Variants in FAT2 observed in about 807,000 individuals in gnomAD.
The protein encoded by FAT2 is FAT atypical cadherin 2, also known as protocadherin Fat 2.
FAT2 carries 150 observed loss-of-function variants against 295.3 expected under a neutral mutation model. That is an observed-to-expected ratio of 0.51 (90% CI 0.44 to 0.58). FAT2 has a LOEUF of 0.58. Among genes scored for constraint, FAT2 ranks in the 20% least tolerant of loss-of-function variants. The pLI is 0.00. For synonymous variants in FAT2, 2,026 were observed against 2,150.3 expected (o/e 0.94, Z 1.60); for missense variants, 4,868 against 5,442.7 (o/e 0.89, Z 3.32).
chr5:151,563,325 C>T lies in FAT2; in HGVS notation c.3574G>A (p.Gly1192Ser), dbSNP rs1758104704. 6.2e-7 allele frequency: 1 copy of T among 1,613,220 alleles called. No individual in the cohort carries two copies. The highest frequency in any genetic ancestry group is 1.7e-5 in the Admixed American group (1 of 59,812). The change falls in exon 3 of 24, where the codon GGT (glycine) becomes AGT (serine). Residue 1192 changes from glycine to serine, a missense_variant and splice_region_variant. Gly to Ser is a moderately conservative substitution (Grantham distance 56). This residue lies in a region of FAT2 where 3,297 missense variants were observed against 3,669.4 expected (regional missense o/e 0.90). Transcript: ENST00000261800. ...MGFFMIHPVTGLLSTAQQLDR... is the reference protein window; with the variant it reads ...MGFFMIHPVTSLLSTAQQLDR... ...TTCACCCAGCTTTTTGGATCCTTAC[C>T]TGTAACAGGGTGAATCATAAAGAAT...
rs2127580467 is a variant in FAT2, at chr5:151,522,001, G to A, written c.10592C>T (p.Ala3531Val). Residue 3531 changes from alanine to valine, a missense_variant, in exon 19 of 24, where the codon GCT becomes GTT. Transcript: ENST00000261800. ...AGTGATGAAGATCTCCAGTGGGAGA[G>A]CAGAAGGTGCATAGTGGCTCTGCTC... is the stretch of plus-strand genomic sequence containing the variant. ...VTEQSHYAPS[A>V]LPLEIFITVG... The A allele has an allele frequency of 6.2e-7, 1 of 1,614,180 alleles. No homozygotes were observed. The highest frequency in any genetic ancestry group is 8.5e-7 in the Non-Finnish European group (1 of 1,180,008).
chr5:151,561,591 A>C (rs1168911079), intron 3 of FAT2, among the ~76,000 whole-genome samples: 2 of 152,146 alleles, frequency 1.3e-5, no homozygotes, highest in African/African-American at 2.4e-5. Context: ...GGATTTCGCC[A>C]TGTTGCCCAA....
chr5:151,564,626 C>A (rs1470557047), intron 2 of FAT2, among the ~76,000 whole-genome samples: 1 of 152,162 alleles, frequency 6.6e-6, no homozygotes, highest in Non-Finnish European at 1.5e-5. Flanking sequence ...AGGGCCTTAC[C>A]AGTAGTGGGC....
Position 151,550,606 on chromosome 5 carries a change from T to G in FAT2, c.4562A>C (p.His1521Pro). The G allele has an allele frequency of 2.5e-6, 4 of 1,614,150 alleles. No homozygotes were observed. Among genetic ancestry groups the G allele is most frequent in the Non-Finnish European group, 3.4e-6 (4 of 1,180,002 alleles). The change falls in exon 8 of 24, where the codon CAC becomes CCC. Residue 1521 changes from histidine to proline, a missense_variant. Around this residue, in one of 5 missense-constraint regions of FAT2, gnomAD observed 3,297 missense variants for 3,669.4 expected, o/e 0.90. Transcript: ENST00000261800. ...KLDLGSGPSQ[H>P]TLTVMVRDQE... is the part of the protein sequence containing the mutation. The stretch of plus-strand genomic sequence containing the variant: ...TTTACTCACCATGACTGTCAGTGTG[T>G]GCTGGGAGGGCCCCGAGCCGAGGTC...
At chr5:151,509,968 A>G (rs1045869277) in intron 22 of FAT2, 53 bp downstream of exon 22, 4 of 1,593,918 alleles carry the variant, frequency 2.5e-6, no homozygotes, top group East Asian at 2.2e-5. Flanking sequence ...GTCAGAGTAC[A>G]GAGCGCATTC....
rs1757517827 is a variant in FAT2, at chr5:151,554,545, C to G, written c.3762G>C (p.Arg1254Ser). The G allele has an allele frequency of 6.2e-7, 1 of 1,614,196 alleles. No homozygotes were observed. The highest frequency in any genetic ancestry group is 8.5e-7 in the Non-Finnish European group (1 of 1,180,038). ...CAGGCCCAGGGGACACAGGGCTCAGCCTCTCTGGAAGGCGGACATTGAAGA... is the reference window on the plus strand; with the variant it reads ...CAGGCCCAGGGGACACAGGGCTCAGGCTCTCTGGAAGGCGGACATTGAAGA... Reference protein sequence around the residue: ...HKLFNVRLPERLSPVSPGPVY... With the variant: ...HKLFNVRLPESLSPVSPGPVY... The change falls in exon 5 of 24, where the codon AGG becomes AGC. Residue 1254 changes from arginine (R) to serine (S), a missense_variant. By Grantham distance (110) the Arg-to-Ser change is moderately radical (BLOSUM62 -1). Around this residue, in one of 5 missense-constraint regions of FAT2, gnomAD observed 3,297 missense variants for 3,669.4 expected, o/e 0.90. Coordinates refer to ENST00000261800, the MANE Select transcript of FAT2 (RefSeq NM_001447.3).
intron 22 of FAT2, 87 bp downstream of exon 22, chr5:151,509,933 TG>T: frequency 6.8e-7 from 1 of 1,477,102 alleles, no homozygotes; most frequent in Non-Finnish European, 9.3e-7. Context: ...CACTCTCCCC[TG>T]GCCTCCCATT....
chr5:151,566,390 C>T lies in FAT2; in HGVS notation c.2542G>A (p.Asp848Asn). ...TIAELTTKDA[D>N]SEDNGRVRYT... ...CGAACCCTGCCATTGTCTTCCGAGT[C>T]AGCATCTTTGGTTGTCAGCTCTGCA... The change falls in exon 2 of 24, where the codon GAC becomes AAC. Residue 848 changes from aspartate to asparagine, a missense_variant. Transcript: ENST00000261800. The T allele has an allele frequency of 6.2e-7, 1 of 1,613,932 alleles. No homozygotes were observed. Among genetic ancestry groups the T allele is most frequent in the Non-Finnish European group, 8.5e-7 (1 of 1,179,936 alleles).
intron 9 of FAT2, 43 bp from the exon 10 acceptor site, chr5:151,546,380 C>T (rs1329207396): frequency 1.4e-6 from 2 of 1,465,080 alleles, no homozygotes; most frequent in Admixed American, 1.8e-5. Flanking sequence ...ACACCCTCGA[C>T]AGGTATCAGC....
chr5:151,506,060 G>A lies in FAT2; in HGVS notation c.12555C>T (p.Tyr4185=), dbSNP rs754717075. The A allele has an allele frequency of 1.3e-6, 2 of 1,549,422 alleles. No homozygotes were observed. Among genetic ancestry groups the A allele is most frequent in the South Asian group, 1.3e-5 (1 of 79,942 alleles). Residue 4185 remains tyrosine, a synonymous_variant, in exon 24 of 24, where the codon TAC becomes TAT. Coordinates refer to ENST00000261800, the MANE Select transcript of FAT2 (RefSeq NM_001447.3). ...PGGAMVWPPT[Y]SRNERWEYPH... is the part of the protein sequence containing the mutation. ...GGTATTCCCAGCGTTCGTTCCTGGA[G>A]TAAGTAGGGGGCCAGACCATGGCTC... is the stretch of plus-strand genomic sequence containing the variant.
At chr5:151,562,795 C>G (rs541999718) in intron 3 of FAT2, among the ~76,000 whole-genome samples, 50 of 152,324 alleles carry the variant, frequency 3.3e-4, no homozygotes, top group Non-Finnish European at 5.4e-4. Flanking sequence ...TGGATTTCTC[C>G]CAACCATCCA....
intron 3 of FAT2, among the ~76,000 whole-genome samples, chr5:151,561,543 A>G (rs1013847400): frequency 6.6e-6 from 1 of 152,212 alleles, no homozygotes; most frequent in African/African-American, 2.4e-5. Flanking sequence ...GGTGCACACC[A>G]TCACACCAGG....
rs540301394 is a variant in FAT2 at position 151,565,826 on chromosome 5, C to T, written c.3106G>A (p.Val1036Met). ...TTCTCCTGCACCTGGCCCTGGTGCA[C>T]GAAGGAGGCAAAGTGGGGAGGGTGG... ...NLHPPHFASF[V>M]HQGQVQENSP... The change falls in exon 2 of 24, where the codon GTG becomes ATG. Residue 1036 changes from valine (V) to methionine (M), a missense_variant. This residue lies in a region of FAT2 where 3,297 missense variants were observed against 3,669.4 expected (regional missense o/e 0.90). Coordinates refer to ENST00000261800, the MANE Select transcript of FAT2 (RefSeq NM_001447.3). 39 of 1,614,134 alleles carry T rather than the reference C, an allele frequency of 2.4e-5. No individual in the cohort carries two copies. Among genetic ancestry groups the T allele is most frequent in the Admixed American group, 1.7e-4 (10 of 60,020 alleles).
Position 151,505,478 on chromosome 5 carries a change from A to G in FAT2, c.*87T>C. 1 of 1,524,610 alleles carries G rather than the reference A, an allele frequency of 6.6e-7. No individual in the cohort carries two copies. The highest frequency in any genetic ancestry group is 8.9e-7 in the Non-Finnish European group (1 of 1,118,454). The allele number at this position is 1,524,610 out of a possible 1,614,324, so 94.4% of individuals were successfully genotyped here. On this transcript the variant is annotated 3_prime_UTR_variant, in exon 24 of 24. Coordinates refer to ENST00000261800, the MANE Select transcript of FAT2 (RefSeq NM_001447.3). ...GGGCTTCCCTCCCACTCTCCCAGCC[A>G]CACTCAACTCACCCCCTACGAGACA...
chr5:151,570,832 G>A (rs980787380), intron 1 of FAT2, among the ~76,000 whole-genome samples: 6 of 152,226 alleles, frequency 3.9e-5, no homozygotes, highest in East Asian at 3.9e-4. Context: ...TTGGAGCCCC[G>A]TCTTGCCAGA....
chr5:151,510,453 C>G (rs1395196234), intron 21 of FAT2: 1 of 292,952 alleles, frequency 3.4e-6, no homozygotes, highest in Non-Finnish European at 6.6e-6. Flanking sequence ...TAGTGCTAGT[C>G]ACTGTTCCAA....
chr5:151,568,620 T>C lies in FAT2; in HGVS notation c.312A>G (p.Thr104=). Residue 104 remains threonine (T), a synonymous_variant, in exon 2 of 24, where the codon ACA becomes ACG. Transcript: ENST00000261800. ...CTCGCACCTCTCTGTTCAGAAGAGC[T>C]GTGTTGCTGCTCTTTGTCCTTATTC... ...FLRIRTKSSN[T]ALLNREVRDS... is the part of the protein sequence containing the mutation. 6.2e-7 allele frequency: 1 copy of C among 1,614,146 alleles called. No individual in the cohort carries two copies. Among genetic ancestry groups the C allele is most frequent in the Non-Finnish European group, 8.5e-7 (1 of 1,180,004 alleles).
Position 151,576,183 on chromosome 5 carries a change from AG to A in FAT2, c.-20-7233del, listed in dbSNP as rs1351328786. On this transcript the variant is annotated intron_variant, in intron 1 of 23. Transcript: ENST00000261800. ...AATATGTGGGCTAGAAAGATATGGA[AG>A]GGAAAAAGCTAAAATTCACGTATAC... Among the ~76,000 whole-genome samples, 14 of 152,352 alleles carry A rather than the reference AG, an allele frequency of 9.2e-5. 1 individual carries two copies. Among genetic ancestry groups the A allele is most frequent in the African/African-American group, 2.9e-4 (12 of 41,588 alleles).
rs1473131971 is a variant in FAT2, at chr5:151,507,368, G to A, written c.12303C>T (p.Ile4101=). The A allele has an allele frequency of 1.7e-5, 28 of 1,614,070 alleles. No homozygotes were observed. The highest frequency in any genetic ancestry group is 2.2e-5 in the Non-Finnish European group (26 of 1,180,042). The change falls in exon 23 of 24, where the codon ATC becomes ATT. Residue 4101 remains isoleucine, a synonymous_variant. Coordinates refer to ENST00000261800, the MANE Select transcript of FAT2 (RefSeq NM_001447.3). ...AGCTGGCACTCAATGGGTTGAGCTC[G>A]ATGGCAGGCATGGCTTGGGTGTCAA... ...VGVDTQAMPA[I]ELNPLSASSC... is the part of the protein sequence containing the mutation.
Sources: gnomAD v4.1 joint callset for allele counts (sites outside exome capture counted in the v4.1 genomes callset) on GRCh38, gnomAD v4.1.1 for gene constraint, gnomAD v4.1.1 regional missense constraint, MANE v1.5 for transcripts, NCBI Gene and HGNC (gene_info 2026-07-23, HGNC 2026-07-21) for gene names.